Variants in RHOT1 observed in about 807,000 individuals in gnomAD.
RHOT1 encodes the protein ras homolog family member T1.
A neutral mutation model predicts 95.3 loss-of-function variants in RHOT1; 27 were observed. That is an observed-to-expected ratio of 0.28 (90% CI 0.21 to 0.39). RHOT1 has a LOEUF of 0.39. Ranked by LOEUF, RHOT1 falls within the 10% of genes least tolerant of loss-of-function variation. RHOT1 has a pLI of 1.00. For missense variants in RHOT1, 578 were observed against 786.7 expected, an observed-to-expected ratio of 0.73 and a Z score of 3.17; for synonymous variants, 227 against 263.5, an observed-to-expected ratio of 0.86 and a Z score of 1.34.
rs2036540633 is a variant in RHOT1, at chr17:32,192,259, A to G, written c.599A>G (p.Asn200Ser). The change falls in exon 9 of 20, where the codon AAT becomes AGT. Residue 200 changes from asparagine to serine, a missense_variant. Physicochemically the swap from Asn to Ser is conservative, Grantham distance 46. Transcript: ENST00000545287. ...TRIFKISDQD[N>S]DGTLNDAELN... ...ATATTTAAAATATCTGATCAAGATAATGATGGTACTCTCAATGATGCTGAA... is the reference window on the plus strand; with the variant it reads ...ATATTTAAAATATCTGATCAAGATAGTGATGGTACTCTCAATGATGCTGAA... 1 of 1,588,884 alleles carries G rather than the reference A, an allele frequency of 6.3e-7. No homozygotes were observed. Among genetic ancestry groups the G allele is most frequent in the Non-Finnish European group, 8.6e-7 (1 of 1,166,366 alleles).
intron 1 of RHOT1, among the ~76,000 whole-genome samples, chr17:32,155,086 A>G (rs1049959525): frequency 6.7e-6 from 1 of 148,826 alleles, no homozygotes; most frequent in African/African-American, 2.6e-5. Context: ...CCTGTCTCAA[A>G]AAAGAAAAGA....
chr17:32,155,290 G>T (rs1445013451), intron 1 of RHOT1, among the ~76,000 whole-genome samples: 1 of 151,666 alleles, frequency 6.6e-6, no homozygotes, highest in Non-Finnish European at 1.5e-5. Context: ...CTCCCGTGTA[G>T]CTGTGACTAC....
At chr17:32,188,046 A>T (rs529218393) in intron 8 of RHOT1, among the ~76,000 whole-genome samples, 1 of 152,226 alleles carries the variant, frequency 6.6e-6, no homozygotes, top group East Asian at 1.9e-4. Flanking sequence ...AATAGTTTCA[A>T]TAGAGCTTAT....
intron 1 of RHOT1, among the ~76,000 whole-genome samples, chr17:32,154,614 C>T (rs968351979): frequency 7.4e-5 from 11 of 147,706 alleles, no homozygotes; most frequent in Non-Finnish European, 4.5e-5. Context: ...AAAAATTGAC[C>T]GGGTGCAGTG....
At chr17:32,176,757 A>G (rs1194286712) in intron 6 of RHOT1, among the ~76,000 whole-genome samples, 1 of 151,872 alleles carries the variant, frequency 6.6e-6, no homozygotes, top group East Asian at 1.9e-4. Context: ...ATTTTTTAGT[A>G]GAGAGGGTTT....
chr17:32,192,340 T>G (rs1297801009), intron 9 of RHOT1, 41 bp downstream of exon 9: 1 of 1,089,192 alleles, frequency 9.2e-7, no homozygotes. Flanking sequence ...ATCTTTTTTT[T>G]TTTTTTTTTT....
chr17:32,164,197 C>G (rs1158634516), intron 1 of RHOT1, among the ~76,000 whole-genome samples: 1 of 152,150 alleles, frequency 6.6e-6, no homozygotes, highest in East Asian at 1.9e-4. Flanking sequence ...TTTAACCTGT[C>G]AACTTTTGGG....
chr17:32,193,891 A>G, intron 10 of RHOT1, 96 bp from the exon 11 acceptor site: 4 of 1,427,646 alleles, frequency 2.8e-6, no homozygotes, highest in Non-Finnish European at 3.8e-6. Context: ...CAAAGCTAGC[A>G]TCCGTATGTT....
chr17:32,169,888 A>G (rs1351607441), intron 1 of RHOT1, among the ~76,000 whole-genome samples: 3 of 152,080 alleles, frequency 2.0e-5, no homozygotes, highest in Non-Finnish European at 4.4e-5. Context: ...ATCTGCCTGT[A>G]GTCCCAGCTA....
chr17:32,220,045 T>G (rs1046229870), intron 19 of RHOT1, among the ~76,000 whole-genome samples: 5 of 152,184 alleles, frequency 3.3e-5, no homozygotes, highest in Non-Finnish European at 7.3e-5. Flanking sequence ...GAGAAAAATT[T>G]TATGTAGAAA....
At chr17:32,199,980 T>C (rs1311120949) in intron 13 of RHOT1, among the ~76,000 whole-genome samples, 1 of 150,698 alleles carries the variant, frequency 6.6e-6, no homozygotes, top group Admixed American at 6.6e-5. Flanking sequence ...TCTCACTCTG[T>C]TGCCCAGGCT....
chr17:32,185,647 A>T (rs772194548), intron 8 of RHOT1, among the ~76,000 whole-genome samples: 1 of 151,036 alleles, frequency 6.6e-6, no homozygotes, highest in Non-Finnish European at 1.5e-5. Flanking sequence ...GGCTCAAGCA[A>T]TGCACCCGCC....
At chr17:32,162,728 G>A (rs2142455503) in intron 1 of RHOT1, among the ~76,000 whole-genome samples, 1 of 152,182 alleles carries the variant, frequency 6.6e-6, no homozygotes, top group African/African-American at 2.4e-5. Context: ...CCAAATATTT[G>A]GTTATTGTGT....
intron 8 of RHOT1, among the ~76,000 whole-genome samples, chr17:32,183,540 A>C (rs1332707139): frequency 1.3e-5 from 2 of 152,232 alleles, no homozygotes; most frequent in Non-Finnish European, 2.9e-5. Context: ...AACAACAAAA[A>C]AGTCCTCCAA....
At chr17:32,144,804 T>C (rs544558884) in intron 1 of RHOT1, among the ~76,000 whole-genome samples, 2 of 142,374 alleles carry the variant, frequency 1.4e-5, no homozygotes, top group South Asian at 4.4e-4. Context: ...CTGGGCAACA[T>C]AGTGAGACCC....
At chr17:32,204,163 C>T (rs2037531638) in intron 16 of RHOT1, among the ~76,000 whole-genome samples, 190 bp downstream of exon 16, 1 of 152,096 alleles carries the variant, frequency 6.6e-6, no homozygotes, top group South Asian at 2.1e-4. Context: ...CGAGGGATCT[C>T]CCACTTCAGC....
chr17:32,211,707 TTTATAA>T (rs2038145595), intron 19 of RHOT1, among the ~76,000 whole-genome samples: 1 of 152,194 alleles, frequency 6.6e-6, no homozygotes, highest in African/African-American at 2.4e-5. Context: ...CTTGAAACCA[TTTATAA>T]TTATAATCTG....
Position 32,142,555 on chromosome 17 carries a change from G to C in RHOT1, c.-138G>C. 1.6e-6 allele frequency: 1 copy of C among 642,808 alleles called. No individual in the cohort carries two copies. Among genetic ancestry groups the C allele is most frequent in the Middle Eastern group, 4.7e-4 (1 of 2,142 alleles). 39.8% of individuals were successfully genotyped at this position (642,808 alleles called of 1,614,324 possible). The stretch of plus-strand genomic sequence containing the variant: ...CTGGCGCTGTCCCGGCTCTCTTGCG[G>C]GGAAGCAACTGAGGGGGCGGCGCGG... On this transcript the variant is annotated 5_prime_UTR_variant, in exon 1 of 20. Coordinates refer to ENST00000545287, the MANE Select transcript of RHOT1 (RefSeq NM_001033566.3).
chr17:32,142,697 A>T lies in RHOT1; in HGVS notation c.5A>T (p.Lys2Met). The stretch of plus-strand genomic sequence containing the variant: ...CGGCCCCCGAGAGCCGCCGACATGA[A>T]GAAAGACGTGCGGATCCTGCTGGTG... The part of the protein sequence containing the change: M[K>M]KDVRILLVGE... Residue 2 changes from lysine to methionine, a missense_variant, in exon 1 of 20, where the codon AAG becomes ATG. Lys to Met is a moderately conservative substitution (Grantham distance 95). Coordinates refer to ENST00000545287, the MANE Select transcript of RHOT1 (RefSeq NM_001033566.3). 1 of 1,529,502 alleles carries T rather than the reference A, an allele frequency of 6.5e-7. No individual in the cohort carries two copies. The highest frequency in any genetic ancestry group is 8.8e-7 in the Non-Finnish European group (1 of 1,139,100). 94.7% of individuals were successfully genotyped at this position (1,529,502 alleles called of 1,614,324 possible).
Sources: gnomAD v4.1 joint callset for allele counts (sites outside exome capture counted in the v4.1 genomes callset) on GRCh38, gnomAD v4.1.1 for gene constraint, MANE v1.5 for transcripts, NCBI Gene and HGNC (gene_info 2026-07-23, HGNC 2026-07-21) for gene names.